CGN: variants seen among roughly 807,000 people sequenced by gnomAD.
The protein encoded by CGN is cingulin.
Under a neutral mutation model 157.1 loss-of-function variants are expected in CGN, and 121 were observed. The ratio of observed to expected loss-of-function variants is 0.77; its 90% CI spans 0.66 to 0.90. CGN has a LOEUF of 0.90. CGN is among the 40% of genes least tolerant of loss of function. The pLI is 0.00. For synonymous variants in CGN, 535 were observed against 607.5 expected, an observed-to-expected ratio of 0.88 and a Z score of 1.76; for missense variants, 1,424 against 1,520.9, an observed-to-expected ratio of 0.94 and a Z score of 1.06.
chr1:151,531,551 G>A (rs948807760), intron 13 of CGN, among the ~76,000 whole-genome samples: 5 of 152,006 alleles, frequency 3.3e-5, no homozygotes, highest in African/African-American at 1.2e-4. Flanking sequence ...CCAGCTACTC[G>A]GAAGGCTGAC....
chr1:151,510,526 ACT>A (rs1664258799), upstream of CGN: 1 of 152,146 alleles, frequency 6.6e-6, no homozygotes, highest in South Asian at 2.1e-4. Flanking sequence ...CAGCATCCCT[ACT>A]TTTTGAGAGG....
intron 1 of CGN, among the ~76,000 whole-genome samples, chr1:151,518,192 G>T (rs1323126585): frequency 3.9e-5 from 6 of 152,182 alleles, no homozygotes. Context: ...GCTCCCCAGG[G>T]CTGTATCAGA....
At chr1:151,532,610 C>CTTT in intron 14 of CGN, 38 bp downstream of exon 14, 2 of 1,066,674 alleles carry the variant, frequency 1.9e-6, no homozygotes, top group East Asian at 3.4e-5. Flanking sequence ...AGGTCCTTGC[C>CTTT]TCTTTTTTTT....
intron 17 of CGN, 33 bp from the exon 18 acceptor site, chr1:151,535,747 G>A (rs1015196950): frequency 1.2e-6 from 2 of 1,609,600 alleles, no homozygotes; most frequent in Non-Finnish European, 1.7e-6. Context: ...GGCCAGTGGA[G>A]TGCTAACTGT....
chr1:151,511,082 C>T (rs1664269484), upstream of CGN: 1 of 152,292 alleles, frequency 6.6e-6, no homozygotes, highest in South Asian at 2.1e-4. This position sits in a 1 kb window ranked among gnomAD's most constrained non-coding sequence, Gnocchi z 4.8. Flanking sequence ...TAGCAGAGCC[C>T]AGAAGATGCT....
At position 151,518,957 on chromosome 1, in the gene CGN, A is replaced by C; in HGVS notation, c.438A>C (p.Pro146=). 5 of 1,614,120 alleles carry C rather than the reference A, an allele frequency of 3.1e-6. No individual in the cohort carries two copies. Among genetic ancestry groups the C allele is most frequent in the Non-Finnish European group, 4.2e-6 (5 of 1,180,006 alleles). ...AGGCCTCACTGGCAGGCCCTGGCCCAGTGGATCCTAGTAACAGAAGCAACA... is the reference window on the plus strand; with the variant it reads ...AGGCCTCACTGGCAGGCCCTGGCCCCGTGGATCCTAGTAACAGAAGCAACA... ...HSQASLAGPG[P]VDPSNRSNSM... The change falls in exon 2 of 21, where the codon CCA becomes CCC. Residue 146 remains proline (P), a synonymous_variant. Transcript: ENST00000271636.
chr1:151,519,112 G>A lies in CGN; in HGVS notation c.593G>A (p.Gly198Asp), dbSNP rs745364025. ...QLGGQARGRT[G>D]RRTRMLPPEQ... Reference sequence around the variant, plus strand: ...GGAGGCCAGGCCCGGGGTCGGACTGGCCGCCGAACACGGATGCTACCCCCT... The same window carrying A: ...GGAGGCCAGGCCCGGGGTCGGACTGACCGCCGAACACGGATGCTACCCCCT... Residue 198 changes from glycine to aspartate, a missense_variant, in exon 2 of 21, where the codon GGC becomes GAC. Gly to Asp is a moderately conservative substitution (Grantham distance 94). Coordinates refer to ENST00000271636, the MANE Select transcript of CGN (RefSeq NM_020770.3). The A allele has an allele frequency of 4.3e-6, 7 of 1,614,086 alleles. No individual in the cohort carries two copies. Among genetic ancestry groups the A allele is most frequent in the South Asian group, 1.1e-5 (1 of 91,090 alleles).
intron 9 of CGN, 149 bp downstream of exon 9, chr1:151,525,939 C>A: frequency 2.3e-6 from 1 of 441,280 alleles, no homozygotes. Context: ...ATGGCACGAT[C>A]TTGGCTCACT....
intron 18 of CGN, 66 bp from the exon 19 acceptor site, chr1:151,536,171 A>T: frequency 9.7e-7 from 1 of 1,026,368 alleles, no homozygotes; most frequent in Non-Finnish European, 1.5e-6. Flanking sequence ...TGGGGACAGT[A>T]GGGGGCCAAG....
At position 151,524,577 on chromosome 1, in the gene CGN, T is replaced by C. The variant is rs1664623069; in HGVS notation, c.1402-97T>C. 1 of 1,219,668 alleles carries C rather than the reference T, an allele frequency of 8.2e-7. No individual in the cohort carries two copies. The highest frequency in any genetic ancestry group is 1.2e-6 in the Non-Finnish European group (1 of 863,066). 75.6% of individuals were successfully genotyped at this position (1,219,668 alleles called of 1,614,324 possible). A position where few individuals can be genotyped will look rare whatever the true frequency, so the allele number is the denominator to read the frequency against. ...GTACTGGTACTAGAGCACCTGGTAC[T>C]GTGCCTAATACGATAAATATTTTTT... is the stretch of plus-strand genomic sequence containing the variant. On this transcript the variant is annotated intron_variant, in intron 7 of 20. Coordinates refer to ENST00000271636, the MANE Select transcript of CGN (RefSeq NM_020770.3). This position sits in a 1 kb window ranked among gnomAD's most constrained non-coding sequence, Gnocchi z 4.4.
chr1:151,530,019 C>T lies in CGN; in HGVS notation c.2217C>T (p.Ile739=). 6.2e-7 allele frequency: 1 copy of T among 1,614,142 alleles called. No individual in the cohort carries two copies. The highest frequency in any genetic ancestry group is 8.5e-7 in the Non-Finnish European group (1 of 1,180,026). The change falls in exon 12 of 21, where the codon ATC becomes ATT. Residue 739 remains isoleucine (I), a synonymous_variant. Coordinates refer to ENST00000271636, the MANE Select transcript of CGN (RefSeq NM_020770.3). ...AAAATGACGAATTCCGCCGGCGCAT[C>T]CTGGGTTTGGAGCAGCAGCTGAAGG... is the stretch of plus-strand genomic sequence containing the variant. ...QEENDEFRRR[I]LGLEQQLKET...
intron 1 of CGN, among the ~76,000 whole-genome samples, chr1:151,517,401 G>A (rs542986934): frequency 3.9e-5 from 6 of 152,200 alleles, no homozygotes; most frequent in African/African-American, 1.4e-4. Context: ...TTTTAAATGA[G>A]CTCTGGGAGA....
rs1664998181 is a variant in CGN, at chr1:151,537,559, C to T, written c.*213C>T. 1 of 479,668 alleles carries T rather than the reference C, an allele frequency of 2.1e-6. No individual in the cohort carries two copies. Among genetic ancestry groups the T allele is most frequent in the African/African-American group, 1.9e-5 (1 of 51,776 alleles). 29.7% of individuals were successfully genotyped at this position (479,668 alleles called of 1,614,324 possible). ...CACTGTAGGAGTGGACATTTCAAGC[C>T]AACTGAGCCTTTTCCTCAAGTGCCG... is the stretch of plus-strand genomic sequence containing the variant. On this transcript the variant is annotated 3_prime_UTR_variant, in exon 21 of 21. Coordinates refer to ENST00000271636, the MANE Select transcript of CGN (RefSeq NM_020770.3).
At chr1:151,527,144 G>A in intron 10 of CGN, 37 bp downstream of exon 10, 3 of 1,612,994 alleles carry the variant, frequency 1.9e-6, no homozygotes, top group Non-Finnish European at 1.7e-6. Flanking sequence ...GTAGGTAGGG[G>A]TGATGAACAC....
intron 11 of CGN, 72 bp from the exon 12 acceptor site, chr1:151,529,837 A>G (rs564524804): frequency 7.0e-6 from 10 of 1,421,518 alleles, no homozygotes; most frequent in East Asian, 2.4e-5. Flanking sequence ...GGTGTGGTCA[A>G]TGGCCCCAAG....
rs1257137286 is a variant in CGN, at chr1:151,538,053, C to T, written c.*707C>T. On this transcript the variant is annotated 3_prime_UTR_variant, in exon 21 of 21. Transcript: ENST00000271636. ...TTCCCCAGCCAGGGCCCTCAGCCTT[C>T]CCTGCTGCCCCAGTGATTGATTGAG... The T allele has an allele frequency of 2.0e-5, 3 of 152,780 alleles. No homozygotes were observed. The highest frequency in any genetic ancestry group is 7.2e-5 in the African/African-American group (3 of 41,446). The allele number at this position is 152,780 out of a possible 1,614,324, so 9.5% of individuals were successfully genotyped here.
chr1:151,532,452 C>A lies in CGN; in HGVS notation c.2622C>A (p.Ala874=), dbSNP rs1664858656. 1 of 1,601,800 alleles carries A rather than the reference C, an allele frequency of 6.2e-7. No individual in the cohort carries two copies. The highest frequency in any genetic ancestry group is 1.4e-5 in the African/African-American group (1 of 73,804). The part of the protein sequence containing the change: ...DSKQALQQLQ[A]QLEDYKEKAR... ...AGCAAGCCCTGCAGCAGCTCCAGGC[C>A]CAGCTGGAGGATTATAAGGAAAAGG... is the stretch of plus-strand genomic sequence containing the variant. Residue 874 remains alanine (A), a synonymous_variant, in exon 14 of 21, where the codon GCC becomes GCA. Coordinates refer to ENST00000271636, the MANE Select transcript of CGN (RefSeq NM_020770.3).
At chr1:151,529,846 AGCCCTGGGGTCTGAGCTGCCAC>A (rs945419138) in intron 11 of CGN, 41 bp from the exon 12 acceptor site, 502 of 1,486,342 alleles carry the variant, frequency 3.4e-4, no homozygotes, top group East Asian at 6.1e-4. Flanking sequence ...AATGGCCCCA[AGCCCTGGGGTCTGAGCTGCCAC>A]GCCCTGGGGT....
At position 151,535,046 on chromosome 1, in the gene CGN, A is replaced by G; in HGVS notation, c.2909A>G (p.Lys970Arg). The change falls in exon 16 of 21, where the codon AAA becomes AGA. Residue 970 changes from lysine (K) to arginine (R), a missense_variant. By Grantham distance (26) the Lys-to-Arg change is conservative. Transcript: ENST00000271636. ...RARQLKGLEE[K>R]VSRLETELDE... ...TTACTTGTTCTTCTGTCCTAGGAAA[A>G]AGTCTCACGGCTGGAAACAGAGTTA... The G allele has an allele frequency of 2.5e-6, 4 of 1,613,066 alleles. No individual in the cohort carries two copies. The South Asian group carries it at 4.4e-5, about 18-fold the overall frequency.
Sources: gnomAD v4.1 joint callset for allele counts (sites outside exome capture counted in the v4.1 genomes callset) on GRCh38, gnomAD v4.1.1 for gene constraint, Gnocchi (gnomAD v3.1) non-coding constraint, MANE v1.5 for transcripts, NCBI Gene and HGNC (gene_info 2026-07-23, HGNC 2026-07-21) for gene names.